Variants in RUNDC3B observed in about 807,000 individuals in gnomAD.
The protein encoded by RUNDC3B is RUN domain-containing protein 3B.
A neutral mutation model predicts 58.4 loss-of-function variants in RUNDC3B; 33 were observed. The observed-to-expected ratio is 0.56, with a 90% CI of 0.43 to 0.75. RUNDC3B has a LOEUF of 0.75. RUNDC3B is among the 30% of genes least tolerant of loss of function. The probability of loss-of-function intolerance (pLI) is 0.00; values close to 1 mark genes in which losing one functional copy is unlikely to be tolerated. For synonymous variants in RUNDC3B, 193 were observed against 195.2 expected (o/e 0.99, Z 0.10); for missense variants, 501 against 535.7 (o/e 0.94, Z 0.64).
intron 4 of RUNDC3B, among the ~76,000 whole-genome samples, chr7:87,717,274 A>T (rs1294522433): frequency 6.6e-6 from 1 of 152,176 alleles, no homozygotes; most frequent in African/African-American, 2.4e-5. Flanking sequence ...CCCTTTTATT[A>T]ATAAAAATAC....
rs542107788 is a variant in RUNDC3B, at chr7:87,784,022, T to G, written c.956+6067T>G. 3.9e-5 allele frequency among the ~76,000 whole-genome samples: 6 copies of G among 152,284 alleles called. No individual in the cohort carries two copies. In the South Asian group the frequency reaches 8.3e-4, roughly 21 times the overall value. Reference sequence around the variant, plus strand: ...TAGTATCTCATAGAGGTTCTCTGAATTTTTTTGAATTTGTTTGCCAACCTA... The same window carrying G: ...TAGTATCTCATAGAGGTTCTCTGAAGTTTTTTGAATTTGTTTGCCAACCTA... On this transcript the variant is annotated intron_variant, in intron 8 of 10. Coordinates refer to ENST00000394654, the MANE Select transcript of RUNDC3B (RefSeq NM_001134405.2).
Position 87,831,093 on chromosome 7 carries a change from G to C in RUNDC3B, c.*1063G>C, listed in dbSNP as rs1838103331. 1 of 144,950 alleles carries C rather than the reference G, an allele frequency of 6.9e-6. No individual in the cohort carries two copies. The highest frequency in any genetic ancestry group is 1.5e-5 in the Non-Finnish European group (1 of 65,874). 9.0% of individuals were successfully genotyped at this position (144,950 alleles called of 1,614,324 possible). On this transcript the variant is annotated 3_prime_UTR_variant, in exon 11 of 11. Coordinates refer to ENST00000394654, the MANE Select transcript of RUNDC3B (RefSeq NM_001134405.2). ...TAAAATTAGTTTTTTTTTTTTTAAAGTTGTAATCTGTACTTTTTTTTTTTT... is the reference window on the plus strand; with the variant it reads ...TAAAATTAGTTTTTTTTTTTTTAAACTTGTAATCTGTACTTTTTTTTTTTT...
At chr7:87,638,906 A>C (rs1822125108) in intron 1 of RUNDC3B, among the ~76,000 whole-genome samples, 1 of 152,188 alleles carries the variant, frequency 6.6e-6, no homozygotes, top group Non-Finnish European at 1.5e-5. Context: ...TAATCCCAGC[A>C]CTTTGGGAGG....
At chr7:87,709,684 T>C (rs1829897177) in intron 3 of RUNDC3B, among the ~76,000 whole-genome samples, 1 of 152,186 alleles carries the variant, frequency 6.6e-6, no homozygotes, top group Admixed American at 6.5e-5. Context: ...GAGTATGTTT[T>C]TTCCCTTTCT....
intron 10 of RUNDC3B, among the ~76,000 whole-genome samples, chr7:87,827,039 G>C (rs1156526436): frequency 6.6e-6 from 1 of 152,032 alleles, no homozygotes; most frequent in Non-Finnish European, 1.5e-5. Context: ...TCACAGCAGA[G>C]AGCCTATCAA....
intron 6 of RUNDC3B, among the ~76,000 whole-genome samples, chr7:87,750,651 G>A (rs551821461): frequency 1.3e-5 from 2 of 151,308 alleles, no homozygotes; most frequent in East Asian, 3.9e-4. Flanking sequence ...ATTTTTTCAT[G>A]TGTTTTTTGG....
At chr7:87,703,885 CTTTTTTT>C in intron 3 of RUNDC3B, among the ~76,000 whole-genome samples, 3 of 60,282 alleles carry the variant, frequency 5.0e-5, no homozygotes, top group East Asian at 5.1e-4. Flanking sequence ...TCAGTTTTTT[CTTTTTTT>C]TTTTTTTTTT....
chr7:87,780,199 A>C (rs1329140259), intron 8 of RUNDC3B, among the ~76,000 whole-genome samples: 2 of 152,174 alleles, frequency 1.3e-5, no homozygotes, highest in South Asian at 4.1e-4. Flanking sequence ...TATTTGAGAA[A>C]TCTCCAAACT....
chr7:87,831,915 C>G lies in RUNDC3B; in HGVS notation c.*1885C>G, dbSNP rs1838145835. 1 of 151,874 alleles carries G rather than the reference C, an allele frequency of 6.6e-6. No homozygotes were observed. The highest frequency in any genetic ancestry group is 2.4e-5 in the African/African-American group (1 of 41,380). 9.4% of individuals were successfully genotyped at this position (151,874 alleles called of 1,614,324 possible). ...CATTTTTATAATGTAGAAGGAAATT[C>G]AAGATTCCATAATCGTAAAATTTTT... On this transcript the variant is annotated 3_prime_UTR_variant, in exon 11 of 11. Coordinates refer to ENST00000394654, the MANE Select transcript of RUNDC3B (RefSeq NM_001134405.2).
intron 6 of RUNDC3B, among the ~76,000 whole-genome samples, chr7:87,765,984 T>C (rs965882061): frequency 1.3e-5 from 2 of 152,188 alleles, no homozygotes; most frequent in Admixed American, 6.5e-5. Flanking sequence ...CAGTGTTGGA[T>C]GCATATATAT....
At chr7:87,755,118 G>A (rs1436181091) in intron 6 of RUNDC3B, among the ~76,000 whole-genome samples, 4 of 151,776 alleles carry the variant, frequency 2.6e-5, no homozygotes, top group Non-Finnish European at 5.9e-5. Flanking sequence ...TGCCTCCCGG[G>A]TTCAAGTGAT....
At chr7:87,829,715 G>A (rs1380048898) in intron 10 of RUNDC3B, among the ~76,000 whole-genome samples, 170 bp from the exon 11 acceptor site, 1 of 151,912 alleles carries the variant, frequency 6.6e-6, no homozygotes, top group African/African-American at 2.4e-5. Context: ...AAATGATGTT[G>A]GTACTTTAAT....
intron 2 of RUNDC3B, among the ~76,000 whole-genome samples, chr7:87,690,934 CAG>C (rs370524690): frequency 8.7e-5 from 13 of 149,936 alleles, no homozygotes; most frequent in Admixed American, 1.3e-4. Flanking sequence ...AATATATATG[CAG>C]AGAGAGAGAG....
intron 4 of RUNDC3B, among the ~76,000 whole-genome samples, chr7:87,729,615 G>A (rs1305816685): frequency 1.3e-5 from 2 of 152,146 alleles, no homozygotes; most frequent in Non-Finnish European, 1.5e-5. Context: ...AAAGTTCTTG[G>A]GGGTCTTAAA....
At chr7:87,653,588 G>A (rs763450120) in intron 2 of RUNDC3B, among the ~76,000 whole-genome samples, 6 of 152,054 alleles carry the variant, frequency 3.9e-5, no homozygotes, top group Non-Finnish European at 7.4e-5. Flanking sequence ...GGACAGGTTA[G>A]ATTATTTGAA....
intron 10 of RUNDC3B, among the ~76,000 whole-genome samples, chr7:87,822,250 A>C (rs756964292): frequency 6.1e-4 from 93 of 152,350 alleles, no homozygotes; most frequent in Non-Finnish European, 1.0e-3. Context: ...CACTTCTCAA[A>C]AGAAGACATT....
chr7:87,693,137 T>G (rs1328145616), intron 2 of RUNDC3B, among the ~76,000 whole-genome samples: 1 of 152,180 alleles, frequency 6.6e-6, no homozygotes, highest in African/African-American at 2.4e-5. Flanking sequence ...ATTTCAGAAA[T>G]TTGGCTTTGG....
At chr7:87,751,165 G>C (rs1466712588) in intron 6 of RUNDC3B, among the ~76,000 whole-genome samples, 2 of 152,052 alleles carry the variant, frequency 1.3e-5, no homozygotes, top group Non-Finnish European at 2.9e-5. Context: ...GTTTTTCTCA[G>C]GTTTGTTAAA....
chr7:87,778,631 G>A (rs1834776376), intron 8 of RUNDC3B, among the ~76,000 whole-genome samples: 2 of 152,110 alleles, frequency 1.3e-5, no homozygotes, highest in South Asian at 4.1e-4. Context: ...GCTACTCAAA[G>A]TATAGTGCTG....
Sources: gnomAD v4.1 joint callset for allele counts (sites outside exome capture counted in the v4.1 genomes callset) on GRCh38, gnomAD v4.1.1 for gene constraint, MANE v1.5 for transcripts, NCBI Gene and HGNC (gene_info 2026-07-23, HGNC 2026-07-21) for gene names.